Variants in ZNF704 observed in about 807,000 individuals in gnomAD.
The protein encoded by ZNF704 is zinc finger protein 704.
A neutral mutation model predicts 44.7 loss-of-function variants in ZNF704; 10 were observed. The observed-to-expected ratio is 0.22, with a 90% CI of 0.14 to 0.38. The LOEUF (loss-of-function observed/expected upper bound fraction) is 0.38, where lower values mean the gene tolerates loss of function less well. ZNF704 is among the 10% of genes least tolerant of loss of function. ZNF704 has a pLI of 1.00. For synonymous variants in ZNF704, 211 were observed against 207.6 expected (o/e 1.02, Z -0.14); for missense variants, 390 against 545.5 (o/e 0.71, Z 2.84).
intron 2 of ZNF704, among the ~76,000 whole-genome samples, chr8:80,805,006 T>C (rs535018949): frequency 7.9e-5 from 12 of 152,192 alleles, no homozygotes; most frequent in African/African-American, 2.9e-4. Flanking sequence ...TAGTGACTAC[T>C]AGGGTTTATT....
In ZNF704 at chr8:80,629,363, C is replaced by A. The variant is rs1038125457; in HGVS notation, c.*12003G>T. 4.6e-5 allele frequency: 7 copies of A among 152,166 alleles called. No homozygotes were observed. Among genetic ancestry groups the A allele is most frequent in the Non-Finnish European group, 1.5e-5 (1 of 68,026 alleles). 9.4% of individuals were successfully genotyped at this position (152,166 alleles called of 1,614,324 possible). Reference sequence around the variant, plus strand: ...TCCCCAATAACTTCTAATTAGGTAGCAAACAATCCAGTATAACCTTAAGTA... The same window carrying A: ...TCCCCAATAACTTCTAATTAGGTAGAAAACAATCCAGTATAACCTTAAGTA... On this transcript the variant is annotated 3_prime_UTR_variant, in exon 9 of 9. Transcript: ENST00000327835.
chr8:80,810,785 A>G (rs1054841990), intron 2 of ZNF704, among the ~76,000 whole-genome samples: 9 of 152,220 alleles, frequency 5.9e-5, no homozygotes, highest in Non-Finnish European at 7.3e-5. Context: ...ATTTCCCTTC[A>G]GGGGACATAC....
In ZNF704 at chr8:80,640,310, G is replaced by C. The variant is rs1554566711; in HGVS notation, c.*1056C>G. 5 of 152,624 alleles carry C rather than the reference G, an allele frequency of 3.3e-5. No homozygotes were observed. The highest frequency in any genetic ancestry group is 7.3e-5 in the Non-Finnish European group (5 of 68,044). 9.5% of individuals were successfully genotyped at this position (152,624 alleles called of 1,614,324 possible). A position where few individuals can be genotyped will look rare whatever the true frequency, so the allele number is the denominator to read the frequency against. The stretch of plus-strand genomic sequence containing the variant: ...GTTTGTTGATCTAACATGACTTTCT[G>C]AACAGGTAGGGCCATGTGGGCTGTG... On this transcript the variant is annotated 3_prime_UTR_variant, in exon 9 of 9. Transcript: ENST00000327835.
At position 80,664,026 on chromosome 8, in the gene ZNF704, C is replaced by T. The variant is rs529744811; in HGVS notation, c.927+789G>A. ...GATTACAGGTGTGAGCCACTGTGCC[C>T]GGCCTTATTTTTTTTTTAAACAGAT... On this transcript the variant is annotated intron_variant, in intron 6 of 8. Coordinates refer to ENST00000327835, the MANE Select transcript of ZNF704 (RefSeq NM_001033723.3). 4.6e-5 allele frequency among the ~76,000 whole-genome samples: 7 copies of T among 152,022 alleles called. No homozygotes were observed. The South Asian group carries it at 6.3e-4, about 14-fold the overall frequency.
At position 80,851,560 on chromosome 8, in the gene ZNF704, G is replaced by T. The variant is rs948292481; in HGVS notation, c.-22+23011C>A. Among the ~76,000 whole-genome samples, 27 of 135,996 alleles carry T rather than the reference G, an allele frequency of 2.0e-4. No individual in the cohort carries two copies. The South Asian group carries it at 6.7e-3, about 34-fold the overall frequency. 89.2% of individuals were successfully genotyped at this position (135,996 alleles called of 152,430 possible). A position where few individuals can be genotyped will look rare whatever the true frequency, so the allele number is the denominator to read the frequency against. ...GGACACAGGAAGGGGAACATCACAC[G>T]CTGGGGACTGTTGTGGGGTGGGGGG... is the stretch of plus-strand genomic sequence containing the variant. On this transcript the variant is annotated intron_variant, in intron 1 of 8. Transcript: ENST00000327835.
At chr8:80,668,018 C>T (rs1231957006) in intron 5 of ZNF704, among the ~76,000 whole-genome samples, 5 of 152,176 alleles carry the variant, frequency 3.3e-5, no homozygotes, top group South Asian at 4.1e-4. Context: ...TTCACCATCA[C>T]CAGGAAAAGT....
chr8:80,646,179 T>TA (rs1817830951), intron 7 of ZNF704, among the ~76,000 whole-genome samples: 1 of 152,202 alleles, frequency 6.6e-6, no homozygotes, highest in African/African-American at 2.4e-5. Context: ...CTTAGACATT[T>TA]AAAAAATTAT....
At chr8:80,877,185 GAAAAAAA>G (rs5892744), upstream of ZNF704, among the ~76,000 whole-genome samples, 13 of 59,724 alleles carry the variant, frequency 2.2e-4, no homozygotes, top group South Asian at 3.9e-3. Flanking sequence ...CTCTGAATGG[GAAAAAAA>G]AAAAAAAAAA....
the ZNF704 span, among the ~76,000 whole-genome samples, chr8:80,882,668 T>C: frequency 3.3e-5 from 5 of 152,230 alleles, no homozygotes; most frequent in Admixed American, 3.3e-4. Context: ...ACTAATGACC[T>C]CTGCTAGACT....
At chr8:80,767,068 C>A (rs1019499921) in intron 2 of ZNF704, among the ~76,000 whole-genome samples, 2 of 152,092 alleles carry the variant, frequency 1.3e-5, no homozygotes, top group Non-Finnish European at 2.9e-5. Context: ...AAGCTACTTT[C>A]CACAATAAAA....
chr8:80,879,364 G>A (rs546708183), upstream of ZNF704, among the ~76,000 whole-genome samples: 6 of 152,032 alleles, frequency 3.9e-5, no homozygotes, highest in East Asian at 7.7e-4. Flanking sequence ...AGCCTCCAGA[G>A]TAGCTGGGAC....
At chr8:80,708,897 A>T (rs1218731036) in intron 2 of ZNF704, among the ~76,000 whole-genome samples, 2 of 152,022 alleles carry the variant, frequency 1.3e-5, no homozygotes, top group East Asian at 3.9e-4. Flanking sequence ...CTTTCCACAT[A>T]CTTCAAGTGA....
chr8:80,734,749 CA>C (rs2131684828), intron 2 of ZNF704, among the ~76,000 whole-genome samples: 1 of 152,304 alleles, frequency 6.6e-6, no homozygotes, highest in African/African-American at 2.4e-5. Context: ...TCCTAATTTA[CA>C]AATTTTAGAT....
chr8:80,676,412 A>G (rs1188151456), intron 4 of ZNF704, among the ~76,000 whole-genome samples: 3 of 152,230 alleles, frequency 2.0e-5, no homozygotes, highest in African/African-American at 7.2e-5. Flanking sequence ...AGCAGCGCCA[A>G]TACACACAGC....
intron 2 of ZNF704, among the ~76,000 whole-genome samples, chr8:80,804,339 A>T (rs541848752): frequency 8.5e-5 from 13 of 152,326 alleles, no homozygotes; most frequent in Admixed American, 5.9e-4. Context: ...TACTCAAGGG[A>T]ATATAAGTTA....
chr8:80,821,396 T>G lies in ZNF704; in HGVS notation c.199A>C (p.Asn67His). 1 of 1,613,690 alleles carries G rather than the reference T, an allele frequency of 6.2e-7. No homozygotes were observed. The highest frequency in any genetic ancestry group is 8.5e-7 in the Non-Finnish European group (1 of 1,179,932). Residue 67 changes from asparagine (N) to histidine (H), a missense_variant, in exon 2 of 9, where the codon AAC (asparagine) becomes CAC (histidine). By Grantham distance (68) the Asn-to-His change is moderately conservative. Around this residue, in one of 3 missense-constraint regions of ZNF704, gnomAD observed 80 missense variants for 83.7 expected, o/e 0.96. Transcript: ENST00000327835. ...TACCTTGCTGGAGGAACATCAATGT[T>G]GGAGGAAACAACTTTTCTTTTTTGC... ...LEQKRKVVSS[N>H]IDVPPARKSS...
chr8:80,770,912 T>C (rs1457123947), intron 2 of ZNF704, among the ~76,000 whole-genome samples: 1 of 152,182 alleles, frequency 6.6e-6, no homozygotes, highest in Non-Finnish European at 1.5e-5. Context: ...TCGTTTTTTG[T>C]TGTTGTTTGT....
intron 2 of ZNF704, among the ~76,000 whole-genome samples, chr8:80,757,861 G>A (rs541390255): frequency 6.6e-6 from 1 of 152,192 alleles, no homozygotes; most frequent in Non-Finnish European, 1.5e-5. Context: ...TAGCCTAGGT[G>A]TATAGTAGCC....
intron 1 of ZNF704, among the ~76,000 whole-genome samples, chr8:80,856,730 T>C (rs1328445072): frequency 6.6e-6 from 1 of 152,206 alleles, no homozygotes; most frequent in Admixed American, 6.5e-5. Context: ...GTAGCATCAG[T>C]AGCACACTGT....
Sources: allele counts gnomAD v4.1 joint callset (sites outside exome capture counted in the v4.1 genomes callset), GRCh38; gene constraint gnomAD v4.1.1; regional missense constraint gnomAD v4.1.1; transcripts MANE v1.5; gene names NCBI Gene and HGNC (gene_info 2026-07-23, HGNC 2026-07-21).